Variants in PNMA6E observed in about 807,000 individuals in gnomAD.
PNMA6E encodes PNMA family member 6E.
For synonymous variants in PNMA6E, 43 were observed against 17.1 expected (o/e 2.52, Z -3.74); for missense variants, 78 against 50.8 (o/e 1.53, Z -1.63).
chrX:153,398,326 G>A lies in PNMA6E; in HGVS notation c.524C>T (p.Ala175Val), dbSNP rs1361492161. 44 of 403,617 alleles carry A rather than the reference G, an allele frequency of 1.1e-4. No individual in the cohort carries two copies. The highest frequency in any genetic ancestry group is 1.6e-4 in the Non-Finnish European group (39 of 238,925). The allele number at this position is 403,617 out of a possible 1,213,427, so 33.3% of individuals were successfully genotyped here. ...EAGGVGEAGA[A>V]GEAGGAGEAG... ...CTCACCTGCGCCTCCTGCCTCACCT[G>A]CTGCTCCTGCCTCACCTACACCTCC... The change falls in exon 2 of 2, where the codon GCA (alanine) becomes GTA (valine). Residue 175 changes from alanine to valine, a missense_variant. Ala to Val is a moderately conservative substitution (Grantham distance 64, BLOSUM62 0). Transcript: ENST00000445091.
upstream of PNMA6E, among the ~76,000 whole-genome samples, chrX:153,401,796 G>GT (rs1457949095): frequency 1.0e-5 from 1 of 95,449 alleles, no homozygotes; most frequent in Non-Finnish European, 2.1e-5. Context: ...TTTTGTTTTT[G>GT]TTTTTTTAGA....
the PNMA6E span, among the ~76,000 whole-genome samples, chrX:153,409,874 C>T: frequency 3.6e-5 from 4 of 112,325 alleles, no homozygotes; most frequent in African/African-American, 1.3e-4. Context: ...TTCCCAAGGT[C>T]GCCCCAGTCC....
the PNMA6E span, among the ~76,000 whole-genome samples, chrX:153,411,377 C>T: frequency 8.9e-6 from 1 of 112,058 alleles, no homozygotes; most frequent in Non-Finnish European, 1.9e-5. Flanking sequence ...CCCTGTGGGG[C>T]GGGCGCGGGG....
intron 1 of PNMA6E, among the ~76,000 whole-genome samples, chrX:153,400,058 G>A (rs1484397317): frequency 1.8e-5 from 2 of 112,457 alleles, no homozygotes; most frequent in Admixed American, 9.4e-5. Flanking sequence ...TTATGAAAAC[G>A]TGCGATCCTT....
chrX:153,406,327 G>T (rs186770763), upstream of PNMA6E, among the ~76,000 whole-genome samples: 1 of 112,514 alleles, frequency 8.9e-6, no homozygotes, highest in East Asian at 2.8e-4. Context: ...TCCCACAGGC[G>T]TACCTCGGGC....
chrX:153,396,861 G>C lies in PNMA6E; in HGVS notation c.*45C>G, dbSNP rs1284190494. ...TGGCCTGGCCTCTGTCTGCCTCCAA[G>C]GCGCTGCTGCCTGAGAGGAGAGGAG... On this transcript the variant is annotated 3_prime_UTR_variant, in exon 2 of 2. Transcript: ENST00000445091. 1.0e-5 allele frequency: 3 copies of C among 296,693 alleles called. No individual in the cohort carries two copies. The highest frequency in any genetic ancestry group is 8.2e-5 in the African/African-American group (3 of 36,733). 24.5% of individuals were successfully genotyped at this position (296,693 alleles called of 1,213,427 possible).
chrX:153,406,210 G>A (rs927884786), upstream of PNMA6E, among the ~76,000 whole-genome samples: 47 of 112,465 alleles, frequency 4.2e-4, no homozygotes, highest in African/African-American at 1.4e-3. Flanking sequence ...TTAAAGCAGC[G>A]GGAGATTCGA....
upstream of PNMA6E, among the ~76,000 whole-genome samples, chrX:153,401,799 T>G (rs2088853666): frequency 9.1e-6 from 1 of 110,387 alleles, no homozygotes; most frequent in African/African-American, 3.3e-5. Flanking sequence ...TGTTTTTGTT[T>G]TTTTAGACTG....
At chrX:153,413,123 C>A in the PNMA6E span, among the ~76,000 whole-genome samples, 1 of 111,019 alleles carries the variant, frequency 9.0e-6, no homozygotes, top group East Asian at 2.8e-4. Context: ...GAAGCAAGAT[C>A]CCCCAGGACG....
At chrX:153,406,444 C>T in the PNMA6E span, among the ~76,000 whole-genome samples, 2 of 112,687 alleles carry the variant, frequency 1.8e-5, no homozygotes, top group Non-Finnish European at 3.8e-5. Flanking sequence ...TTCCACTCCT[C>T]TTTTGGGAGG....
At chrX:153,402,482 C>A (rs1322214397), upstream of PNMA6E, among the ~76,000 whole-genome samples, 1 of 111,234 alleles carries the variant, frequency 9.0e-6, no homozygotes, top group Non-Finnish European at 1.9e-5. Flanking sequence ...GCCCCCTGCA[C>A]CCCGTCCTTT....
In PNMA6E at chrX:153,396,845, CTCTG is replaced by C. The variant is rs1286794890; in HGVS notation, c.*57_*60del. ...GGTGAGGGACTGGCCCTGGCCTGGC[CTCTG>C]TCTGCCTCCAAGGCGCTGCTGCCTG... On this transcript the variant is annotated 3_prime_UTR_variant, in exon 2 of 2. Transcript: ENST00000445091. 6.7e-6 allele frequency: 2 copies of C among 296,690 alleles called. No homozygotes were observed. Among genetic ancestry groups the C allele is most frequent in the African/African-American group, 2.7e-5 (1 of 36,755 alleles). 24.5% of individuals were successfully genotyped at this position (296,690 alleles called of 1,213,427 possible).
At chrX:153,409,015 C>T in the PNMA6E span, among the ~76,000 whole-genome samples, 1 of 113,102 alleles carries the variant, frequency 8.8e-6, no homozygotes, top group Non-Finnish European at 1.9e-5. Context: ...TGGGCACCTG[C>T]TGTGGCTTGG....
Position 153,396,377 on chromosome X carries a change from T to G in PNMA6E, c.*529A>C. On this transcript the variant is annotated 3_prime_UTR_variant, in exon 2 of 2. Transcript: ENST00000445091. Reference sequence around the variant, plus strand: ...TGCATGGGCGCACAGTACATGACTTTTCGCAGAAATGATGGCTAGCAGTGG... The same window carrying G: ...TGCATGGGCGCACAGTACATGACTTGTCGCAGAAATGATGGCTAGCAGTGG... 1 of 117,425 alleles carries G rather than the reference T, an allele frequency of 8.5e-6. No individual in the cohort carries two copies. 9.7% of individuals were successfully genotyped at this position (117,425 alleles called of 1,213,427 possible).
chrX:153,398,806 G>A lies in PNMA6E; in HGVS notation c.44C>T (p.Ala15Val), dbSNP rs916529342. The A allele has an allele frequency of 6.3e-5, 19 of 300,440 alleles. No individual in the cohort carries two copies. The highest frequency in any genetic ancestry group is 3.6e-4 in the African/African-American group (13 of 36,526). The allele number at this position is 300,440 out of a possible 1,213,427, so 24.8% of individuals were successfully genotyped here. ...MLRDWCRWMGANAERSLLILG... is the reference protein window; with the variant it reads ...MLRDWCRWMGVNAERSLLILG... ...GATGAGCAGGGAGCGCTCTGCGTTC[G>A]CACCCATCCACCTGCACCAGTCCCG... Residue 15 changes from alanine (A) to valine (V), a missense_variant, in exon 2 of 2, where the codon GCG (alanine) becomes GTG (valine). Physicochemically the swap from Ala to Val is moderately conservative, Grantham distance 64. Coordinates refer to ENST00000445091, the MANE Select transcript of PNMA6E (RefSeq NM_001367770.1).
At chrX:153,412,890 G>A in the PNMA6E span, among the ~76,000 whole-genome samples, 2 of 112,225 alleles carry the variant, frequency 1.8e-5, no homozygotes, top group Middle Eastern at 4.2e-3. Flanking sequence ...CCCCCTTTTG[G>A]CTAGGTTACC....
At chrX:153,411,817 G>T in the PNMA6E span, among the ~76,000 whole-genome samples, 1 of 112,443 alleles carries the variant, frequency 8.9e-6, no homozygotes, top group African/African-American at 3.2e-5. Flanking sequence ...GACAAGCAGG[G>T]ACTCCCTGGG....
chrX:153,409,756 G>A, the PNMA6E span, among the ~76,000 whole-genome samples: 1 of 112,005 alleles, frequency 8.9e-6, no homozygotes, highest in Admixed American at 9.4e-5. Context: ...GAAGTGGGGT[G>A]CACTCCCAGG....
chrX:153,412,148 G>A, the PNMA6E span, among the ~76,000 whole-genome samples: 2 of 112,819 alleles, frequency 1.8e-5, no homozygotes, highest in Non-Finnish European at 3.8e-5. Context: ...GTGCTCCAGA[G>A]GGTATCAGGT....
Sources: allele counts gnomAD v4.1 joint callset (sites outside exome capture counted in the v4.1 genomes callset), GRCh38; gene constraint gnomAD v4.1.1; transcripts MANE v1.5; gene names NCBI Gene and HGNC (gene_info 2026-07-23, HGNC 2026-07-21).